Variants in RIPOR2 observed in about 807,000 individuals in gnomAD.
RIPOR2 encodes rho family-interacting cell polarization regulator 2.
In RIPOR2, 39 loss-of-function variants were observed where a neutral mutation model predicts 114.5. The ratio of observed to expected loss-of-function variants is 0.34; its 90% CI spans 0.26 to 0.44. RIPOR2 has a LOEUF of 0.44. RIPOR2 is among the 20% of genes least tolerant of loss of function. The pLI, the probability that RIPOR2 is intolerant of heterozygous loss-of-function variation, is 1.00. For synonymous variants in RIPOR2, 445 were observed against 484.4 expected (o/e 0.92, Z 1.07); for missense variants, 1,007 against 1,255.1 (o/e 0.80, Z 2.99).
chr6:24,895,651 C>A (rs543578932), intron 1 of RIPOR2, among the ~76,000 whole-genome samples: 55 of 152,228 alleles, frequency 3.6e-4, no homozygotes, highest in Non-Finnish European at 6.0e-4. Flanking sequence ...TTGTGTCACT[C>A]GTTCAGTTGC....
intron 1 of RIPOR2, among the ~76,000 whole-genome samples, chr6:25,004,808 T>A (rs1475721085): frequency 6.6e-6 from 1 of 152,236 alleles, no homozygotes; most frequent in Admixed American, 6.5e-5. Flanking sequence ...TATGTGTGCA[T>A]GCGCACGTGT....
intron 1 of RIPOR2, among the ~76,000 whole-genome samples, chr6:24,899,236 T>C (rs761368187): frequency 6.6e-6 from 1 of 152,178 alleles, no homozygotes; most frequent in Non-Finnish European, 1.5e-5. Context: ...ATCATTCTCA[T>C]TGAATTATCC....
chr6:24,818,415 G>A lies in RIPOR2; in HGVS notation c.2952+127C>T, dbSNP rs763253742. ...GAGAAAAATACTAAAACTAACATACGGTGCAAAGAAGACAAGAAATACTGC... is the reference window on the plus strand; with the variant it reads ...GAGAAAAATACTAAAACTAACATACAGTGCAAAGAAGACAAGAAATACTGC... On this transcript the variant is annotated intron_variant, in intron 20 of 21. Transcript: ENST00000643898. 54 of 494,144 alleles carry A rather than the reference G, an allele frequency of 1.1e-4. No homozygotes were observed. In the Middle Eastern group the frequency reaches 2.1e-3, roughly 19 times the overall value. The allele number at this position is 494,144 out of a possible 1,614,324, so 30.6% of individuals were successfully genotyped here. A position where few individuals can be genotyped will look rare whatever the true frequency, so the allele number is the denominator to read the frequency against.
At chr6:25,014,722 A>C (rs1775897179) in intron 1 of RIPOR2, among the ~76,000 whole-genome samples, 3 of 152,230 alleles carry the variant, frequency 2.0e-5, no homozygotes, top group African/African-American at 7.2e-5. Context: ...AAATGAAGGC[A>C]CCAAAGAGCT....
intron 1 of RIPOR2, among the ~76,000 whole-genome samples, chr6:24,926,739 C>T (rs938675681): frequency 1.3e-5 from 2 of 152,140 alleles, no homozygotes; most frequent in African/African-American, 2.4e-5. Flanking sequence ...TACATAATAA[C>T]TGATATTTAT....
chr6:24,921,799 G>A (rs1420922560), intron 1 of RIPOR2, among the ~76,000 whole-genome samples: 1 of 151,924 alleles, frequency 6.6e-6, no homozygotes. Flanking sequence ...GCATGTGGAA[G>A]ACTTTCAATT....
rs1378039821 is a variant in RIPOR2, at chr6:24,873,207, G to C, written c.345-248C>G. Among the ~76,000 whole-genome samples, 3 of 152,368 alleles carry C rather than the reference G, an allele frequency of 2.0e-5. No homozygotes were observed. In the East Asian group the frequency reaches 5.8e-4, roughly 29 times the overall value. ...AGTCGAGAAAAGAAAAACCAGTGGG[G>C]AGGCAAGGGGCAAGAGGTCTGTAGA... On this transcript the variant is annotated intron_variant, in intron 3 of 21. Transcript: ENST00000643898.
At chr6:25,023,632 G>T (rs997609805) in intron 1 of RIPOR2, 14 of 763,114 alleles carry the variant, frequency 1.8e-5, no homozygotes, top group Non-Finnish European at 3.1e-5. Flanking sequence ...AAAGGATGGT[G>T]CCTGCTGGGG....
At chr6:24,993,556 T>C (rs528463139) in intron 1 of RIPOR2, among the ~76,000 whole-genome samples, 4 of 152,380 alleles carry the variant, frequency 2.6e-5, no homozygotes, top group South Asian at 2.1e-4. Context: ...CTGTGCCTTT[T>C]AAGTGGGGCA....
intron 1 of RIPOR2, among the ~76,000 whole-genome samples, chr6:24,950,794 C>G (rs184821884): frequency 3.9e-5 from 6 of 152,148 alleles, no homozygotes; most frequent in Admixed American, 3.3e-4. Flanking sequence ...ATCTAACAGG[C>G]GAGGTGGATG....
chr6:24,863,780 CTT>C (rs951973584), intron 7 of RIPOR2, among the ~76,000 whole-genome samples: 4 of 152,088 alleles, frequency 2.6e-5, no homozygotes, highest in African/African-American at 9.7e-5. Flanking sequence ...TTGCAGATAA[CTT>C]TTTAAAAAAT....
intron 2 of RIPOR2, 111 bp from the exon 3 acceptor site, chr6:24,873,910 G>T: frequency 1.1e-6 from 1 of 933,788 alleles, no homozygotes; most frequent in Non-Finnish European, 1.6e-6. Flanking sequence ...GTCTTCTTCT[G>T]TCATCCAGGC....
At chr6:24,850,279 G>A (rs1762749912) in intron 10 of RIPOR2, among the ~76,000 whole-genome samples, 1 of 151,068 alleles carries the variant, frequency 6.6e-6, no homozygotes, top group African/African-American at 2.4e-5. Flanking sequence ...TACTTTTGTA[G>A]AGACGGCGTT....
chr6:24,996,722 A>G (rs1775063929), intron 1 of RIPOR2, among the ~76,000 whole-genome samples: 1 of 152,194 alleles, frequency 6.6e-6, no homozygotes, highest in Non-Finnish European at 1.5e-5. Context: ...CCTTGGGAAA[A>G]GTAAGCCACT....
intron 15 of RIPOR2, among the ~76,000 whole-genome samples, chr6:24,833,610 T>C (rs1301152014): frequency 6.6e-6 from 1 of 152,214 alleles, no homozygotes; most frequent in East Asian, 1.9e-4. Flanking sequence ...TGAACTGCTT[T>C]ATTTTGAAAA....
intron 7 of RIPOR2, among the ~76,000 whole-genome samples, chr6:24,862,456 G>A (rs1356594366): frequency 6.6e-6 from 1 of 152,178 alleles, no homozygotes; most frequent in Non-Finnish European, 1.5e-5. Context: ...ATTCTTCTAT[G>A]TTTCGTTGTT....
At chr6:24,919,141 C>T (rs1770299863) in intron 1 of RIPOR2, among the ~76,000 whole-genome samples, 1 of 152,212 alleles carries the variant, frequency 6.6e-6, no homozygotes, top group African/African-American at 2.4e-5. Context: ...GGCCCCACTG[C>T]CCCTCTTTCC....
intron 21 of RIPOR2, 124 bp downstream of exon 21, chr6:24,809,593 G>A (rs534154376): frequency 4.0e-5 from 27 of 674,944 alleles, no homozygotes; most frequent in African/African-American, 1.8e-4. Context: ...AGCCTACAGC[G>A]GGGAAACTGC....
chr6:24,992,196 C>T (rs1774854774), intron 1 of RIPOR2, among the ~76,000 whole-genome samples: 1 of 152,156 alleles, frequency 6.6e-6, no homozygotes, highest in South Asian at 2.1e-4. Context: ...AGGAGGAGAT[C>T]CTTCCTTTGG....
Sources: gnomAD v4.1 joint callset for allele counts (sites outside exome capture counted in the v4.1 genomes callset) on GRCh38, gnomAD v4.1.1 for gene constraint, MANE v1.5 for transcripts, NCBI Gene and HGNC (gene_info 2026-07-23, HGNC 2026-07-21) for gene names.